The following CCDC7 variants were observed in gnomAD, a reference collection of about 807,000 sequenced individuals.
CCDC7 encodes the protein coiled-coil domain-containing protein 7.
In CCDC7, 183 loss-of-function variants were observed where a neutral mutation model predicts 196.9. The observed-to-expected ratio is 0.93, with a 90% CI of 0.82 to 1.05. CCDC7 has a LOEUF of 1.05. Among genes scored for constraint, CCDC7 ranks in the 50% least tolerant of loss-of-function variants. CCDC7 has a pLI of 0.00. For synonymous variants in CCDC7, 525 were observed against 484.6 expected, an observed-to-expected ratio of 1.08 and a Z score of -1.10; for missense variants, 1,540 against 1,482.2, an observed-to-expected ratio of 1.04 and a Z score of -0.64.
At chr10:32,662,731 T>C (rs539329653) in intron 20 of CCDC7, among the ~76,000 whole-genome samples, 1 of 152,274 alleles carries the variant, frequency 6.6e-6, no homozygotes, top group East Asian at 1.9e-4. Context: ...TTGTCTGGCA[T>C]GGAAATTTTT....
At chr10:32,720,615 G>A (rs540520175) in intron 25 of CCDC7, among the ~76,000 whole-genome samples, 6 of 152,008 alleles carry the variant, frequency 3.9e-5, no homozygotes, top group East Asian at 1.9e-4. Context: ...GAAGGATAAC[G>A]ATTCCCCTAA....
intron 11 of CCDC7, among the ~76,000 whole-genome samples, chr10:32,540,755 G>A (rs1453242648): frequency 6.6e-6 from 1 of 151,962 alleles, no homozygotes; most frequent in Non-Finnish European, 1.5e-5. Flanking sequence ...TGATGGGTGG[G>A]GTTCTTTTTG....
chr10:32,503,350 A>G (rs1302789642), intron 9 of CCDC7, among the ~76,000 whole-genome samples: 1 of 152,166 alleles, frequency 6.6e-6, no homozygotes, highest in African/African-American at 2.4e-5. Context: ...GGGTCTTATT[A>G]TGAAAGGATG....
At chr10:32,504,123 T>G (rs2044496978) in intron 9 of CCDC7, among the ~76,000 whole-genome samples, 2 of 143,942 alleles carry the variant, frequency 1.4e-5, no homozygotes, top group African/African-American at 5.1e-5. Context: ...TGGTTTTTTT[T>G]TTTTTTTTTT....
At chr10:32,776,742 G>A (rs1341429505) in intron 28 of CCDC7, among the ~76,000 whole-genome samples, 2 of 152,100 alleles carry the variant, frequency 1.3e-5, no homozygotes, top group African/African-American at 2.4e-5. Context: ...TAACATATTT[G>A]TATTCAATTG....
chr10:32,657,385 C>T lies in CCDC7; in HGVS notation c.2015-6669C>T, dbSNP rs918722798. ...TTCTGCCTGGACATCCAGACATTTC[C>T]GTACATCCTCTGAAATCTAGGCAGA... On this transcript the variant is annotated intron_variant, in intron 20 of 41. Transcript: ENST00000639629. Among the ~76,000 whole-genome samples, 7 of 152,252 alleles carry T rather than the reference C, an allele frequency of 4.6e-5. No individual in the cohort carries two copies. In the South Asian group the frequency reaches 6.2e-4, roughly 13 times the overall value.
intron 9 of CCDC7, among the ~76,000 whole-genome samples, chr10:32,506,622 G>C (rs140641247): frequency 0.043 from 6,533 of 152,300 alleles, 146 homozygotes; most frequent in Middle Eastern, 0.065. Flanking sequence ...GAGGCCGAGG[G>C]GGGCAGATCA....
At chr10:32,558,394 T>C in intron 13 of CCDC7, among the ~76,000 whole-genome samples, 1 of 152,226 alleles carries the variant, frequency 6.6e-6, no homozygotes, top group Non-Finnish European at 1.5e-5. Context: ...TAGTCTTCTT[T>C]ATGCATATGT....
At chr10:32,454,043 A>T (rs2133406575) in intron 2 of CCDC7, among the ~76,000 whole-genome samples, 1 of 152,354 alleles carries the variant, frequency 6.6e-6, no homozygotes, top group East Asian at 1.9e-4. Flanking sequence ...AACTACTGAC[A>T]CATAGAACAA....
intron 28 of CCDC7, among the ~76,000 whole-genome samples, chr10:32,772,630 C>T (rs546930477): frequency 1.3e-5 from 2 of 152,322 alleles, no homozygotes; most frequent in Non-Finnish European, 2.9e-5. Context: ...TTTTGACTGT[C>T]GTCTGCAGGG....
At chr10:32,767,653 G>C (rs932455715) in intron 28 of CCDC7, among the ~76,000 whole-genome samples, 9 of 152,000 alleles carry the variant, frequency 5.9e-5, no homozygotes, top group Non-Finnish European at 1.2e-4. Flanking sequence ...ATGGGTACGA[G>C]CAAGTCCAGA....
intron 11 of CCDC7, among the ~76,000 whole-genome samples, chr10:32,533,246 A>AACAT (rs1554827230): frequency 1.4e-5 from 2 of 144,524 alleles, no homozygotes; most frequent in African/African-American, 5.1e-5. Flanking sequence ...AAACAAAGGA[A>AACAT]ACACACACAC....
intron 28 of CCDC7, among the ~76,000 whole-genome samples, chr10:32,763,839 G>T (rs1041970224): frequency 6.6e-6 from 1 of 151,838 alleles, no homozygotes; most frequent in Non-Finnish European, 1.5e-5. Context: ...CAAATGGGGA[G>T]ATGTTACAAA....
At chr10:32,671,116 A>G (rs1425532118) in intron 21 of CCDC7, among the ~76,000 whole-genome samples, 1 of 152,206 alleles carries the variant, frequency 6.6e-6, no homozygotes, top group Non-Finnish European at 1.5e-5. Context: ...ACCCAAGTGT[A>G]CAGTGTTTAT....
chr10:32,744,547 T>A (rs1455657024), intron 28 of CCDC7, among the ~76,000 whole-genome samples: 1 of 152,226 alleles, frequency 6.6e-6, no homozygotes, highest in Admixed American at 6.5e-5. Context: ...ATTGTTGTTC[T>A]AATGCACAAT....
chr10:32,839,638 C>G (rs185311739), intron 33 of CCDC7, among the ~76,000 whole-genome samples: 1 of 151,974 alleles, frequency 6.6e-6, no homozygotes, highest in Non-Finnish European at 1.5e-5. Flanking sequence ...TGAACTCTAC[C>G]CTACAACAAA....
chr10:32,445,671 T>C (rs2030764332), upstream of CCDC7, among the ~76,000 whole-genome samples: 2 of 152,230 alleles, frequency 1.3e-5, no homozygotes, highest in Non-Finnish European at 2.9e-5. Flanking sequence ...ACCACTTAAG[T>C]GTCACAACTC....
At chr10:32,664,376 A>G (rs1347008596) in intron 21 of CCDC7, among the ~76,000 whole-genome samples, 1 of 152,074 alleles carries the variant, frequency 6.6e-6, no homozygotes, top group African/African-American at 2.4e-5. Context: ...GAGAAGACTT[A>G]AAATTTCTCT....
At chr10:32,736,624 A>G (rs1483396004) in intron 28 of CCDC7, among the ~76,000 whole-genome samples, 1 of 149,638 alleles carries the variant, frequency 6.7e-6, no homozygotes, top group Non-Finnish European at 1.5e-5. Context: ...TTCTTTATAT[A>G]TCTCTTATAC....
Sources: allele counts gnomAD v4.1 joint callset (sites outside exome capture counted in the v4.1 genomes callset), GRCh38; gene constraint gnomAD v4.1.1; transcripts MANE v1.5; gene names NCBI Gene and HGNC (gene_info 2026-07-23, HGNC 2026-07-21).